ABL2: variants seen among roughly 807,000 people sequenced by gnomAD.
ABL2 encodes tyrosine-protein kinase ABL2.
A neutral mutation model predicts 107.7 loss-of-function variants in ABL2; 49 were observed. The observed-to-expected ratio is 0.45, with a 90% CI of 0.36 to 0.58. The LOEUF is 0.58. Among genes scored for constraint, ABL2 ranks in the 20% least tolerant of loss-of-function variants. ABL2 has a pLI of 0.00. For synonymous variants in ABL2, 549 were observed against 548.6 expected (o/e 1.00, Z -0.01); for missense variants, 1,245 against 1,457.0 (o/e 0.85, Z 2.37).
chr1:179,220,594 A>T (rs1480665988), intron 1 of ABL2, among the ~76,000 whole-genome samples: 1 of 152,228 alleles, frequency 6.6e-6, no homozygotes, highest in Non-Finnish European at 1.5e-5. Flanking sequence ...GAGTGTTTTG[A>T]CTAAAGCATG....
At chr1:179,189,120 G>T (rs1660853738) in intron 1 of ABL2, among the ~76,000 whole-genome samples, 1 of 151,874 alleles carries the variant, frequency 6.6e-6, no homozygotes, top group African/African-American at 2.4e-5. Context: ...GTTGTTCTCG[G>T]GTGTTTTTTG....
chr1:179,194,293 T>C (rs1661184023), intron 1 of ABL2, among the ~76,000 whole-genome samples: 2 of 152,068 alleles, frequency 1.3e-5, no homozygotes, highest in South Asian at 2.1e-4. Context: ...AAGTGAAAAA[T>C]CAATCATCCT....
chr1:179,167,705 A>G (rs1004071552), intron 1 of ABL2, among the ~76,000 whole-genome samples: 3 of 152,240 alleles, frequency 2.0e-5, no homozygotes, highest in Non-Finnish European at 2.9e-5. Context: ...ATATGTAGCA[A>G]TTAAACATTT....
At chr1:179,181,875 G>C (rs1660394157) in intron 1 of ABL2, among the ~76,000 whole-genome samples, 1 of 151,216 alleles carries the variant, frequency 6.6e-6, no homozygotes, top group South Asian at 2.1e-4. Flanking sequence ...CTGCCTCCCA[G>C]GTTCAAGCAA....
intron 1 of ABL2, among the ~76,000 whole-genome samples, chr1:179,228,079 G>A (rs1326058427): frequency 6.8e-6 from 1 of 147,414 alleles, no homozygotes; most frequent in Non-Finnish European, 1.5e-5. Flanking sequence ...AAAAGAGTTT[G>A]GGCCAGGAAC....
chr1:179,143,163 G>C (rs1657743551), intron 1 of ABL2: 1 of 1,306,812 alleles, frequency 7.7e-7, no homozygotes, highest in Admixed American at 3.2e-5. Flanking sequence ...TCAGTGGCCA[G>C]AGGGAACCAA....
chr1:179,108,029 A>AGATTTTCTCAGCGGC lies in ABL2; in HGVS notation c.3223_3237dup (p.Ala1075_Ile1079dup). ...GCCTCTTTGCTGATTTTGTCTGCTG[A>AGATTTTCTCAGCGGC]GATTTTCTCAGCGGCCTGTTTGGTT... On this transcript the variant is annotated inframe_insertion, in exon 12 of 12. Transcript: ENST00000502732. 1 of 1,614,166 alleles carries AGATTTTCTCAGCGGC rather than the reference A, an allele frequency of 6.2e-7. No individual in the cohort carries two copies. Among genetic ancestry groups the AGATTTTCTCAGCGGC allele is most frequent in the East Asian group, 2.2e-5 (1 of 44,884 alleles).
intron 1 of ABL2, among the ~76,000 whole-genome samples, chr1:179,145,263 T>C (rs112949615): frequency 0.013 from 1,947 of 152,296 alleles, 35 homozygotes; most frequent in African/African-American, 0.042. Context: ...ATATATTTAA[T>C]CCTACTAAAC....
intron 8 of ABL2, 32 bp from the exon 9 acceptor site, chr1:179,115,062 T>C: frequency 6.5e-7 from 1 of 1,548,838 alleles, no homozygotes; most frequent in Non-Finnish European, 8.7e-7. Context: ...GCACTTAGTG[T>C]TTCTTCTCCG....
At chr1:179,221,447 C>T (rs560396847) in intron 1 of ABL2, among the ~76,000 whole-genome samples, 2 of 152,172 alleles carry the variant, frequency 1.3e-5, no homozygotes, top group East Asian at 3.9e-4. Flanking sequence ...AAAAATTAGC[C>T]AGGCATGGTG....
At chr1:179,150,189 T>G (rs1658279232) in intron 1 of ABL2, among the ~76,000 whole-genome samples, 1 of 152,160 alleles carries the variant, frequency 6.6e-6, no homozygotes, top group African/African-American at 2.4e-5. Context: ...TGAGCCATGG[T>G]ACACTGTACT....
chr1:179,131,289 G>C (rs1374459841), intron 3 of ABL2, 22 bp downstream of exon 3: 1 of 1,604,036 alleles, frequency 6.2e-7, no homozygotes, highest in East Asian at 2.2e-5. Context: ...AAAAGTGAAA[G>C]GATGCTACAT....
At chr1:179,181,217 C>G (rs924226386) in intron 1 of ABL2, among the ~76,000 whole-genome samples, 1 of 152,000 alleles carries the variant, frequency 6.6e-6, no homozygotes, top group Non-Finnish European at 1.5e-5. Flanking sequence ...TCAATAAGAT[C>G]AGCTAGGTAA....
intron 1 of ABL2, among the ~76,000 whole-genome samples, chr1:179,169,453 C>A (rs1210442695): frequency 1.3e-5 from 2 of 150,932 alleles, no homozygotes; most frequent in Non-Finnish European, 3.0e-5. Flanking sequence ...GAGGCTGAGG[C>A]AGGAGAATAG....
At position 179,105,319 on chromosome 1, in the gene ABL2, C is replaced by A. The variant is rs1485536710; in HGVS notation, c.*2399G>T. ...GAAAATAGAGCCCTTGCTTAAAAAA[C>A]AAAAAACAAAAAAACCCTGAAAAAC... On this transcript the variant is annotated 3_prime_UTR_variant, in exon 12 of 12. Coordinates refer to ENST00000502732, the MANE Select transcript of ABL2 (RefSeq NM_007314.4). The A allele has an allele frequency of 4.3e-6, 1 of 230,818 alleles. No homozygotes were observed. Among genetic ancestry groups the A allele is most frequent in the Non-Finnish European group, 8.6e-6 (1 of 116,608 alleles). The allele number at this position is 230,818 out of a possible 1,614,324, so 14.3% of individuals were successfully genotyped here.
At chr1:179,183,865 C>T (rs1361681602) in intron 1 of ABL2, 2 of 216,758 alleles carry the variant, frequency 9.2e-6, no homozygotes, top group Admixed American at 5.8e-5. Context: ...CTAGTCTCCA[C>T]GCCCACCTCA....
chr1:179,172,465 C>T (rs1179353018), intron 1 of ABL2, among the ~76,000 whole-genome samples: 2 of 152,082 alleles, frequency 1.3e-5, no homozygotes, highest in East Asian at 3.9e-4. Flanking sequence ...TTTATTTTAC[C>T]TACACAGGAG....
intron 1 of ABL2, among the ~76,000 whole-genome samples, chr1:179,147,078 A>T (rs193105765): frequency 2.2e-4 from 34 of 151,634 alleles, no homozygotes; most frequent in African/African-American, 7.7e-4. Context: ...AAAAAAATTT[A>T]AAAAGTAGGC....
intron 1 of ABL2, among the ~76,000 whole-genome samples, chr1:179,166,370 T>C (rs1012815018): frequency 1.7e-5 from 2 of 117,042 alleles, no homozygotes; most frequent in African/African-American, 6.6e-5. Flanking sequence ...ATACTCAGAA[T>C]ATACAAAGAA....
Sources: allele counts gnomAD v4.1 joint callset (sites outside exome capture counted in the v4.1 genomes callset), GRCh38; gene constraint gnomAD v4.1.1; transcripts MANE v1.5; gene names NCBI Gene and HGNC (gene_info 2026-07-23, HGNC 2026-07-21).